The following GALNT3 variants were observed in gnomAD, a reference collection of about 807,000 sequenced individuals.
The protein encoded by GALNT3 is GalNAc transferase 3.
A neutral mutation model predicts 69.8 loss-of-function variants in GALNT3; 51 were observed. That is an observed-to-expected ratio of 0.73 (90% CI 0.58 to 0.92). The LOEUF (loss-of-function observed/expected upper bound fraction) is 0.92, where lower values mean the gene tolerates loss of function less well. Ranked by LOEUF, GALNT3 falls within the 40% of genes least tolerant of loss-of-function variation. The pLI is 0.00. For missense variants in GALNT3, 711 were observed against 760.0 expected, an observed-to-expected ratio of 0.94 and a Z score of 0.76; for synonymous variants, 265 against 248.5, an observed-to-expected ratio of 1.07 and a Z score of -0.63.
At chr2:165,749,948 AAAAT>A (rs35167480) in intron 9 of GALNT3, 54 bp from the exon 10 acceptor site, 39 of 1,459,168 alleles carry the variant, frequency 2.7e-5, no homozygotes, top group East Asian at 1.4e-4. Context: ...GCTCAGTTGC[AAAAT>A]AAATAAATAA....
In GALNT3 at chr2:165,757,101, T is replaced by C; in HGVS notation, c.1338A>G (p.Glu446=). 1.9e-6 allele frequency: 3 copies of C among 1,614,064 alleles called. No individual in the cohort carries two copies. The highest frequency in any genetic ancestry group is 1.7e-6 in the Non-Finnish European group (2 of 1,179,954). The part of the protein sequence containing the change: ...QVRLAEVWMD[E]YKEIFYRRNT... Reference sequence around the variant, plus strand: ...TTCTCCTATAAAATATTTCCTTGTATTCATCCATCCAGACTTCTGCAAGGC... The same window carrying C: ...TTCTCCTATAAAATATTTCCTTGTACTCATCCATCCAGACTTCTGCAAGGC... The change falls in exon 7 of 11, where the codon GAA becomes GAG. Residue 446 remains glutamate, a synonymous_variant. Transcript: ENST00000392701.
chr2:165,767,358 TG>T (rs1340275722), intron 2 of GALNT3, among the ~76,000 whole-genome samples: 1 of 152,108 alleles, frequency 6.6e-6, no homozygotes, highest in Non-Finnish European at 1.5e-5. Context: ...TACCTTTATT[TG>T]CTATGTGGTT....
At chr2:165,754,478 T>A (rs1688410010) in intron 9 of GALNT3, 149 bp downstream of exon 9, 1 of 517,666 alleles carries the variant, frequency 1.9e-6, no homozygotes, top group Non-Finnish European at 3.6e-6. Flanking sequence ...AAAATACTCA[T>A]CAATATCAAT....
chr2:165,778,736 G>A lies in GALNT3; in HGVS notation c.-108-7928C>T, dbSNP rs564224858. Reference sequence around the variant, plus strand: ...GTTCCAGAAGAGGCCATTCACAGCCGGGGGACAGAACCCTAGAACTAGCTA... The same window carrying A: ...GTTCCAGAAGAGGCCATTCACAGCCAGGGGACAGAACCCTAGAACTAGCTA... On this transcript the variant is annotated intron_variant, in intron 1 of 10. Coordinates refer to ENST00000392701, the MANE Select transcript of GALNT3 (RefSeq NM_004482.4). 5.9e-5 allele frequency among the ~76,000 whole-genome samples: 9 copies of A among 152,166 alleles called. No individual in the cohort carries two copies. The South Asian group carries it at 1.2e-3, about 21-fold the overall frequency.
At chr2:165,768,725 T>G (rs1214442781) in intron 2 of GALNT3, among the ~76,000 whole-genome samples, 2 of 151,886 alleles carry the variant, frequency 1.3e-5, no homozygotes, top group Non-Finnish European at 2.9e-5. Context: ...AATGTAATTC[T>G]CTAATATCCA....
At chr2:165,772,700 T>C (rs796278602) in intron 1 of GALNT3, among the ~76,000 whole-genome samples, 21 of 151,944 alleles carry the variant, frequency 1.4e-4, no homozygotes, top group African/African-American at 5.1e-4. Context: ...CAAGTACATT[T>C]TAGGCAGTTA....
intron 1 of GALNT3, among the ~76,000 whole-genome samples, chr2:165,776,618 TC>T (rs1682956166): frequency 6.6e-6 from 1 of 152,114 alleles, no homozygotes; most frequent in Admixed American, 6.6e-5. Context: ...AGAGTGAAAT[TC>T]AGAGACCTGG....
chr2:165,793,791 G>C (rs1430347731), intron 1 of GALNT3: 1 of 152,878 alleles, frequency 6.5e-6, no homozygotes, highest in Non-Finnish European at 1.5e-5. Flanking sequence ...GTGGGCGAGA[G>C]GGTGTGACCG....
chr2:165,770,518 C>A lies in GALNT3; in HGVS notation c.183G>T (p.Lys61Asn), dbSNP rs1040816682. Residue 61 changes from lysine (K) to asparagine (N), a missense_variant, in exon 2 of 11, where the codon AAG (lysine) becomes AAT (asparagine). Lys to Asn is a moderately conservative substitution (Grantham distance 94, BLOSUM62 0). Coordinates refer to ENST00000392701, the MANE Select transcript of GALNT3 (RefSeq NM_004482.4). The part of the protein sequence containing the change: ...RMERNMKNKN[K>N]MLDLMLEAVN... Reference sequence around the variant, plus strand: ...CAGCTTCTAGCATTAAATCCAACATCTTGTTTTTGTTTTTCATGTTCCTTT... The same window carrying A: ...CAGCTTCTAGCATTAAATCCAACATATTGTTTTTGTTTTTCATGTTCCTTT... The A allele has an allele frequency of 8.1e-6, 13 of 1,614,118 alleles. No homozygotes were observed. Among genetic ancestry groups the A allele is most frequent in the Non-Finnish European group, 1.1e-5 (13 of 1,180,014 alleles).
At chr2:165,773,695 A>AAATGT (rs1268458667) in intron 1 of GALNT3, among the ~76,000 whole-genome samples, 19 of 152,116 alleles carry the variant, frequency 1.2e-4, no homozygotes, top group African/African-American at 4.6e-4. Context: ...GTCTTGGGGT[A>AAATGT]AATGTAAAAC....
chr2:165,785,829 A>T (rs1357098209), intron 1 of GALNT3, among the ~76,000 whole-genome samples: 1 of 152,202 alleles, frequency 6.6e-6, no homozygotes. Flanking sequence ...GTAAGGGACA[A>T]ATAAATCTGT....
At chr2:165,785,440 G>T (rs1199153497) in intron 1 of GALNT3, among the ~76,000 whole-genome samples, 3 of 152,178 alleles carry the variant, frequency 2.0e-5, no homozygotes, top group Admixed American at 2.0e-4. Context: ...GAGGGCAACA[G>T]TGAAAGGAAG....
At chr2:165,778,768 G>A (rs372160753) in intron 1 of GALNT3, among the ~76,000 whole-genome samples, 2 of 152,216 alleles carry the variant, frequency 1.3e-5, no homozygotes, top group East Asian at 3.9e-4. Flanking sequence ...GCTAGGTGCT[G>A]AGGAAAACTG....
At position 165,759,660 on chromosome 2, in the gene GALNT3, A is replaced by G. The variant is rs1688509204; in HGVS notation, c.839-90T>C. 3.3e-6 allele frequency: 3 copies of G among 906,878 alleles called. No individual in the cohort carries two copies. In the East Asian group the frequency reaches 7.9e-5, roughly 24 times the overall value. The allele number at this position is 906,878 out of a possible 1,614,324, so 56.2% of individuals were successfully genotyped here. On this transcript the variant is annotated intron_variant, in intron 4 of 10. Coordinates refer to ENST00000392701, the MANE Select transcript of GALNT3 (RefSeq NM_004482.4). ...GGTGAAGGTTTACAGAGAAATGAGA[A>G]TAACAGAGTCAATTTGTGTTTTGAA...
Position 165,761,941 on chromosome 2 carries a change from C to A in GALNT3, c.802G>T (p.Ala268Ser), listed in dbSNP as rs752243721. Residue 268 changes from alanine (A) to serine (S), a missense_variant, in exon 4 of 11, where the codon GCA becomes TCA. Physicochemically the swap from Ala to Ser is moderately conservative, Grantham distance 99 (BLOSUM62 1). Transcript: ENST00000392701. ...AAAAATGTGAGCGTTTCAGCTGTTG[C>A]GACTGTTGCTCCTAGCAACCGAGCA... is the stretch of plus-strand genomic sequence containing the variant. ...ITARLLGATV[A>S]TAETLTFLDA... 1.2e-6 allele frequency: 2 copies of A among 1,613,878 alleles called. No individual in the cohort carries two copies. The highest frequency in any genetic ancestry group is 2.7e-5 in the African/African-American group (2 of 74,866).
At chr2:165,773,298 CT>C (rs1688786764) in intron 1 of GALNT3, among the ~76,000 whole-genome samples, 1 of 152,172 alleles carries the variant, frequency 6.6e-6, no homozygotes. Flanking sequence ...GGGAGTTCCC[CT>C]GCACATGTTC....
intron 9 of GALNT3, among the ~76,000 whole-genome samples, chr2:165,754,161 C>T (rs964513314): frequency 2.0e-5 from 3 of 150,342 alleles, no homozygotes. Flanking sequence ...GTGATCTCGG[C>T]TCACTGCAAC....
intron 1 of GALNT3, among the ~76,000 whole-genome samples, chr2:165,775,748 T>G (rs1318382674): frequency 6.6e-6 from 1 of 152,216 alleles, no homozygotes; most frequent in Non-Finnish European, 1.5e-5. Flanking sequence ...CTTTTGTTGT[T>G]ACTTTAAGCT....
intron 5 of GALNT3, 130 bp from the exon 6 acceptor site, chr2:165,758,994 C>T: frequency 2.8e-6 from 2 of 720,230 alleles, no homozygotes; most frequent in Non-Finnish European, 4.9e-6. Context: ...TTAATAAAAA[C>T]TAGAAATGCT....
Sources: allele counts gnomAD v4.1 joint callset (sites outside exome capture counted in the v4.1 genomes callset), GRCh38; gene constraint gnomAD v4.1.1; transcripts MANE v1.5; gene names NCBI Gene and HGNC (gene_info 2026-07-23, HGNC 2026-07-21).